PCDH15: variants seen among roughly 807,000 people sequenced by gnomAD.
The protein encoded by PCDH15 is protocadherin related 15.
A neutral mutation model predicts 178.5 loss-of-function variants in PCDH15; 129 were observed. The ratio of observed to expected loss-of-function variants is 0.72; its 90% CI spans 0.63 to 0.84. The LOEUF is 0.84. Among genes scored for constraint, PCDH15 ranks in the 40% least tolerant of loss-of-function variants. The probability of loss-of-function intolerance (pLI) is 0.00; values close to 1 mark genes in which losing one functional copy is unlikely to be tolerated. For missense variants in PCDH15, 2,230 were observed against 2,099.9 expected (o/e 1.06, Z -1.21); for synonymous variants, 800 against 732.0 (o/e 1.09, Z -1.50).
chr10:54,687,187 C>G (rs1326831477), intron 1 of PCDH15, among the ~76,000 whole-genome samples: 1 of 152,080 alleles, frequency 6.6e-6, no homozygotes, highest in East Asian at 1.9e-4. Context: ...GAAAGTGGAA[C>G]TCTTGAAAAC....
At chr10:54,203,091 C>T (rs1454173061) in intron 10 of PCDH15, among the ~76,000 whole-genome samples, 5 of 152,090 alleles carry the variant, frequency 3.3e-5, no homozygotes, top group Non-Finnish European at 7.4e-5. Context: ...TAATCTGGAG[C>T]AAAAACTCCA....
chr10:55,092,373 G>T (rs151116515), intron 2 of PCDH15, among the ~76,000 whole-genome samples: 1 of 151,792 alleles, frequency 6.6e-6, no homozygotes, highest in Non-Finnish European at 1.5e-5. Context: ...AGAGCAGCTT[G>T]TGAGACTTCA....
intron 2 of PCDH15, among the ~76,000 whole-genome samples, chr10:55,407,192 G>T (rs558556372): frequency 6.6e-6 from 1 of 152,032 alleles, no homozygotes; most frequent in Non-Finnish European, 1.5e-5. Flanking sequence ...GGCAACCGAC[G>T]TGCCAAGATT....
chr10:55,578,989 C>T (rs901547389), intron 2 of PCDH15, among the ~76,000 whole-genome samples: 2 of 152,020 alleles, frequency 1.3e-5, no homozygotes, highest in African/African-American at 2.4e-5. Flanking sequence ...CACAGCCAAA[C>T]CTTATCAATG....
intron 1 of PCDH15, among the ~76,000 whole-genome samples, chr10:55,263,418 C>A (rs1842198052): frequency 6.6e-6 from 1 of 152,156 alleles, no homozygotes; most frequent in Admixed American, 6.5e-5. Flanking sequence ...TGCCTCCACC[C>A]CAACAGCCGC....
At chr10:55,155,976 C>A (rs1440528523) in intron 2 of PCDH15, among the ~76,000 whole-genome samples, 2 of 152,098 alleles carry the variant, frequency 1.3e-5, no homozygotes, top group Non-Finnish European at 2.9e-5. Flanking sequence ...GCAGCTGAAT[C>A]ATCCTAGAGG....
chr10:54,963,757 T>G (rs1838713873), intron 2 of PCDH15, among the ~76,000 whole-genome samples: 1 of 152,192 alleles, frequency 6.6e-6, no homozygotes, highest in Admixed American at 6.5e-5. Context: ...TACACTGTAT[T>G]CTTTTGGATG....
intron 2 of PCDH15, among the ~76,000 whole-genome samples, chr10:55,128,224 C>T (rs1037422785): frequency 5.9e-5 from 9 of 151,974 alleles, no homozygotes; most frequent in African/African-American, 9.7e-5. Flanking sequence ...GACTTCCTTA[C>T]TACCATCCTT....
chr10:54,659,027 T>TA (rs796433053), intron 2 of PCDH15, among the ~76,000 whole-genome samples: 107 of 149,942 alleles, frequency 7.1e-4, no homozygotes, highest in Middle Eastern at 6.8e-3. Context: ...TCAAGAAAGG[T>TA]AAAAAAAAAG....
intron 2 of PCDH15, among the ~76,000 whole-genome samples, chr10:55,070,151 T>A (rs1229150169): frequency 1.3e-5 from 2 of 151,786 alleles, no homozygotes; most frequent in African/African-American, 4.8e-5. Context: ...TAAATTTGTT[T>A]GAGTTCATTG....
At chr10:54,516,406 G>A (rs1446084643) in intron 3 of PCDH15, among the ~76,000 whole-genome samples, 1 of 152,098 alleles carries the variant, frequency 6.6e-6, no homozygotes, top group East Asian at 1.9e-4. Flanking sequence ...AGAACTACGT[G>A]AAGAATGCAG....
At chr10:54,343,265 C>T (rs968725848) in intron 6 of PCDH15, among the ~76,000 whole-genome samples, 1 of 151,936 alleles carries the variant, frequency 6.6e-6, no homozygotes, top group Non-Finnish European at 1.5e-5. Context: ...GGGCAGTTTT[C>T]CCCCTGCTGT....
intron 3 of PCDH15, among the ~76,000 whole-genome samples, chr10:54,853,316 T>TATATATATACACAC (rs1554806802): frequency 8.7e-6 from 1 of 115,146 alleles, no homozygotes; most frequent in African/African-American, 3.6e-5. Context: ...TATATATATA[T>TATATATATACACAC]ATACATACAC....
At chr10:54,237,332 C>A (rs2054736185) in intron 8 of PCDH15, among the ~76,000 whole-genome samples, 2 of 151,884 alleles carry the variant, frequency 1.3e-5, no homozygotes, top group South Asian at 4.2e-4. Context: ...CTTGCTAAAT[C>A]ATTTTTTAGT....
chr10:53,902,597 A>C (rs190418484), intron 26 of PCDH15, among the ~76,000 whole-genome samples: 3 of 152,252 alleles, frequency 2.0e-5, no homozygotes, highest in Non-Finnish European at 4.4e-5. Context: ...AGTAATACAC[A>C]GTTGATTAGA....
At chr10:55,465,347 G>A (rs964846891) in intron 2 of PCDH15, among the ~76,000 whole-genome samples, 1 of 152,132 alleles carries the variant, frequency 6.6e-6, no homozygotes, top group Non-Finnish European at 1.5e-5. Flanking sequence ...GGAGTTCCCA[G>A]GACTATTGCG....
chr10:54,181,007 C>T (rs1314232148), intron 13 of PCDH15, among the ~76,000 whole-genome samples: 1 of 152,088 alleles, frequency 6.6e-6, no homozygotes, highest in Non-Finnish European at 1.5e-5. Flanking sequence ...TTTTGAGATA[C>T]AGTTTCTCCA....
chr10:54,031,065 C>T lies in PCDH15; in HGVS notation c.2221-7868G>A, dbSNP rs564031716. On this transcript the variant is annotated intron_variant, in intron 18 of 37. Coordinates refer to ENST00000644397, the MANE Select transcript of PCDH15 (RefSeq NM_001384140.1). The stretch of plus-strand genomic sequence containing the variant: ...TTCTGCTTGGAGGTCAACGTATCAC[C>T]TATACTCCTGCTTCATCGTTGAAGG... Among the ~76,000 whole-genome samples, 7 of 152,144 alleles carry T rather than the reference C, an allele frequency of 4.6e-5. 1 individual carries two copies. In the South Asian group the frequency reaches 1.0e-3, roughly 23 times the overall value.
At chr10:55,456,143 C>A (rs1839546324) in intron 2 of PCDH15, among the ~76,000 whole-genome samples, 2 of 151,960 alleles carry the variant, frequency 1.3e-5, no homozygotes, top group South Asian at 2.1e-4. Flanking sequence ...TTTCTTCTAA[C>A]ATGAGAAAAG....
Sources: gnomAD v4.1 joint callset for allele counts (sites outside exome capture counted in the v4.1 genomes callset) on GRCh38, gnomAD v4.1.1 for gene constraint, MANE v1.5 for transcripts, NCBI Gene and HGNC (gene_info 2026-07-23, HGNC 2026-07-21) for gene names.